TMEM239: variants seen among roughly 807,000 people sequenced by gnomAD.
TMEM239 encodes transmembrane protein 239.
Under a neutral mutation model 14.6 loss-of-function variants are expected in TMEM239, and 10 were observed. That is an observed-to-expected ratio of 0.68 (90% CI 0.42 to 1.16). The LOEUF is 1.16. TMEM239 is among the 50% of genes most tolerant of loss of function. TMEM239 has a pLI of 0.00. For synonymous variants in TMEM239, 94 were observed against 89.9 expected (o/e 1.05, Z -0.26); for missense variants, 183 against 194.4 (o/e 0.94, Z 0.35).
chr20:2,816,172 C>T, upstream of TMEM239: 1 of 632,800 alleles, frequency 1.6e-6, no homozygotes, highest in Non-Finnish European at 2.7e-6. Flanking sequence ...CATGAGAAAG[C>T]ATGAGAAACT....
Position 2,816,606 on chromosome 20 carries a change from C to T in TMEM239, c.52C>T (p.Pro18Ser), listed in dbSNP as rs767176558. ...AGATACCATCGGGGCTGGCGAGGGG[C>T]CACAGCAGGCAGTGCCCTGGTCAGC... ...ETDTIGAGEG[P>S]QQAVPWSAWV... The change falls in exon 2 of 2, where the codon CCA becomes TCA. Residue 18 changes from proline (P) to serine (S), a missense_variant. Physicochemically the swap from Pro to Ser is moderately conservative, Grantham distance 74. Coordinates refer to ENST00000380585, the MANE Select transcript of TMEM239 (RefSeq NM_001167670.3). 6.5e-7 allele frequency: 1 copy of T among 1,537,924 alleles called. No individual in the cohort carries two copies. The highest frequency in any genetic ancestry group is 8.7e-7 in the Non-Finnish European group (1 of 1,146,854).
At position 2,816,379 on chromosome 20, in the gene TMEM239, C is replaced by G; in HGVS notation, c.-48C>G. On this transcript the variant is annotated 5_prime_UTR_variant, in exon 1 of 2. Transcript: ENST00000380585. ...TCTGCCTGCCAGGCCGTCCTGGGCG[C>G]TGCAGGAAGCAACATGACTTAGGTA... The G allele has an allele frequency of 2.0e-6, 3 of 1,535,952 alleles. No individual in the cohort carries two copies. In the South Asian group the frequency reaches 3.6e-5, roughly 18 times the overall value.
intron 1 of TMEM239, 55 bp from the exon 2 acceptor site, chr20:2,816,489 C>CG: frequency 6.9e-7 from 1 of 1,454,438 alleles, no homozygotes; most frequent in Non-Finnish European, 9.0e-7. Context: ...CACCCCCTCT[C>CG]TGCCCCCCCC....
upstream of TMEM239, chr20:2,815,796 G>A: frequency 6.3e-7 from 1 of 1,587,892 alleles, no homozygotes. Context: ...CCACAACTCA[G>A]TGTCCTTCAA....
chr20:2,817,428 C>T lies in TMEM239; in HGVS notation c.*415C>T. On this transcript the variant is annotated 3_prime_UTR_variant, in exon 2 of 2. Coordinates refer to ENST00000380585, the MANE Select transcript of TMEM239 (RefSeq NM_001167670.3). ...TTCTACCTGGGTACCACTGGCCTTGCCATTCCTCCCACCAATCCCCTCTTT... is the reference window on the plus strand; with the variant it reads ...TTCTACCTGGGTACCACTGGCCTTGTCATTCCTCCCACCAATCCCCTCTTT... 3.4e-6 allele frequency: 1 copy of T among 297,684 alleles called. No individual in the cohort carries two copies. The highest frequency in any genetic ancestry group is 7.8e-5 in the South Asian group (1 of 12,782). 18.4% of individuals were successfully genotyped at this position (297,684 alleles called of 1,614,324 possible). A position where few individuals can be genotyped will look rare whatever the true frequency, so the allele number is the denominator to read the frequency against.
At chr20:2,816,274 T>C (rs2088667484), upstream of TMEM239, 5 of 1,455,474 alleles carry the variant, frequency 3.4e-6, no homozygotes, top group Non-Finnish European at 4.7e-6. Context: ...GACTCCTCTC[T>C]TGGCTGGACC....
Position 2,816,382 on chromosome 20 carries a change from C to T in TMEM239, c.-45C>T, listed in dbSNP as rs2088669258. On this transcript the variant is annotated 5_prime_UTR_variant, in exon 1 of 2. Transcript: ENST00000380585. ...GCCTGCCAGGCCGTCCTGGGCGCTG[C>T]AGGAAGCAACATGACTTAGGTAACT... The T allele has an allele frequency of 2.0e-6, 3 of 1,535,808 alleles. No homozygotes were observed. Among genetic ancestry groups the T allele is most frequent in the East Asian group, 2.4e-5 (1 of 40,888 alleles).
chr20:2,817,081 G>A lies in TMEM239; in HGVS notation c.*68G>A, dbSNP rs554614573. 3 of 1,520,230 alleles carry A rather than the reference G, an allele frequency of 2.0e-6. No homozygotes were observed. The African/African-American group carries it at 4.1e-5, about 21-fold the overall frequency. 94.2% of individuals were successfully genotyped at this position (1,520,230 alleles called of 1,614,324 possible). A position where few individuals can be genotyped will look rare whatever the true frequency, so the allele number is the denominator to read the frequency against. On this transcript the variant is annotated 3_prime_UTR_variant, in exon 2 of 2. Transcript: ENST00000380585. ...CCTAGGGCCTGAGACCCCACGGGGAGAGGGAGGGCAATGGGATCAGGGCTC... is the reference window on the plus strand; with the variant it reads ...CCTAGGGCCTGAGACCCCACGGGGAAAGGGAGGGCAATGGGATCAGGGCTC...
rs776012798 is a variant in TMEM239, at chr20:2,816,733, G to A, written c.179G>A (p.Arg60His). 48 of 1,549,800 alleles carry A rather than the reference G, an allele frequency of 3.1e-5. No individual in the cohort carries two copies. The highest frequency in any genetic ancestry group is 2.0e-4 in the Admixed American group (10 of 50,994). ...TCGAACTGGCGGCAACCGCTGCAGC[G>A]CCTGCTGTGGGGTCTGGAGGGGATA... ...STSNWRQPLQ[R>H]LLWGLEGILY... is the part of the protein sequence containing the mutation. Residue 60 changes from arginine to histidine, a missense_variant, in exon 2 of 2, where the codon CGC (arginine) becomes CAC (histidine). Transcript: ENST00000380585.
Position 2,816,775 on chromosome 20 carries a change from CA to C in TMEM239, c.222del (p.Leu75Ter). The part of the protein sequence containing the change: ...GLEGILYLLL[A>X]LMLCHALFTT... ...GAGGGGATACTCTACCTGCTGCTGG[CA>C]CTGATGTTGTGCCATGCACTCTTCA... On this transcript the variant is annotated frameshift_variant, in exon 2 of 2. Transcript: ENST00000380585. LOFTEE classifies it high-confidence loss of function. The C allele has an allele frequency of 6.4e-7, 1 of 1,551,180 alleles. No homozygotes were observed. The highest frequency in any genetic ancestry group is 8.7e-7 in the Non-Finnish European group (1 of 1,146,988).
upstream of TMEM239, chr20:2,815,788 A>G (rs1374015446): frequency 6.3e-7 from 1 of 1,596,980 alleles, no homozygotes; most frequent in East Asian, 2.2e-5. Flanking sequence ...GCCCCTCCCC[A>G]CAACTCAGTG....
downstream of TMEM239, chr20:2,819,077 G>T (rs1599937086): frequency 6.6e-6 from 1 of 152,316 alleles, no homozygotes; most frequent in African/African-American, 2.4e-5. Flanking sequence ...GAAGTCATGA[G>T]TCAAGCCAAT....
In TMEM239 at chr20:2,816,645, C is replaced by A. The variant is rs1388349827; in HGVS notation, c.91C>A (p.His31Asn). Reference sequence around the variant, plus strand: ...GCCCTGGTCAGCCTGGGTCACGAGGCATGGCTGGGTGCGCTGGTGGGTGAG... The same window carrying A: ...GCCCTGGTCAGCCTGGGTCACGAGGAATGGCTGGGTGCGCTGGTGGGTGAG... ...AVPWSAWVTR[H>N]GWVRWWVSHM... The change falls in exon 2 of 2, where the codon CAT becomes AAT. Residue 31 changes from histidine (H) to asparagine (N), a missense_variant. Physicochemically the swap from His to Asn is moderately conservative, Grantham distance 68. Transcript: ENST00000380585. 1.9e-6 allele frequency: 3 copies of A among 1,541,342 alleles called. No homozygotes were observed. Among genetic ancestry groups the A allele is most frequent in the Non-Finnish European group, 2.6e-6 (3 of 1,146,516 alleles).
In TMEM239 at chr20:2,816,792, G is replaced by T; in HGVS notation, c.238G>T (p.Ala80Ser). The T allele has an allele frequency of 6.4e-7, 1 of 1,551,126 alleles. No individual in the cohort carries two copies. Among genetic ancestry groups the T allele is most frequent in the Non-Finnish European group, 8.7e-7 (1 of 1,147,004 alleles). Reference sequence around the variant, plus strand: ...GCTGCTGGCACTGATGTTGTGCCATGCACTCTTCACCACTGGCTCCCACCT... The same window carrying T: ...GCTGCTGGCACTGATGTTGTGCCATTCACTCTTCACCACTGGCTCCCACCT... ...YLLLALMLCHALFTTGSHLLS... is the reference protein window; with the variant it reads ...YLLLALMLCHSLFTTGSHLLS... Residue 80 changes from alanine (A) to serine (S), a missense_variant, in exon 2 of 2, where the codon GCA (alanine) becomes TCA (serine). Ala to Ser is a moderately conservative substitution (Grantham distance 99). Transcript: ENST00000380585.
In TMEM239 at chr20:2,817,109, T is replaced by C; in HGVS notation, c.*96T>C. On this transcript the variant is annotated 3_prime_UTR_variant, in exon 2 of 2. Coordinates refer to ENST00000380585, the MANE Select transcript of TMEM239 (RefSeq NM_001167670.3). The stretch of plus-strand genomic sequence containing the variant: ...GGAGGGCAATGGGATCAGGGCTCCC[T>C]GCCTTGGCAGGGCCCAGACCCCTAG... The C allele has an allele frequency of 1.4e-6, 2 of 1,455,776 alleles. No homozygotes were observed. Among genetic ancestry groups the C allele is most frequent in the Non-Finnish European group, 1.8e-6 (2 of 1,097,246 alleles). The allele number at this position is 1,455,776 out of a possible 1,614,324, so 90.2% of individuals were successfully genotyped here. A position where few individuals can be genotyped will look rare whatever the true frequency, so the allele number is the denominator to read the frequency against.
upstream of TMEM239, chr20:2,815,825 T>C (rs6107195): frequency 0.029 from 43,051 of 1,477,252 alleles, 4,719 homozygotes; most frequent in African/African-American, 0.35. Flanking sequence ...TGACCACCCT[T>C]CTTCATCAGG....
At position 2,817,335 on chromosome 20, in the gene TMEM239, C is replaced by A. The variant is rs918679071; in HGVS notation, c.*322C>A. 1.4e-5 allele frequency: 7 copies of A among 502,586 alleles called. No homozygotes were observed. Among genetic ancestry groups the A allele is most frequent in the Non-Finnish European group, 2.4e-5 (7 of 285,834 alleles). The allele number at this position is 502,586 out of a possible 1,614,324, so 31.1% of individuals were successfully genotyped here. A position where few individuals can be genotyped will look rare whatever the true frequency, so the allele number is the denominator to read the frequency against. ...GGATGTGATGATACCCGTGGGGCCC[C>A]CTTGGCAACTGACAGCATCTTTTTC... On this transcript the variant is annotated 3_prime_UTR_variant, in exon 2 of 2. Transcript: ENST00000380585.
At chr20:2,816,456 C>T in intron 1 of TMEM239, 41 bp downstream of exon 1, 1 of 1,533,464 alleles carries the variant, frequency 6.5e-7, no homozygotes, top group Non-Finnish European at 8.7e-7. Flanking sequence ...ACCCCACGCA[C>T]ACTGGTGCCC....
At position 2,816,500 on chromosome 20, in the gene TMEM239, C is replaced by CCCG. The variant is rs1555793480; in HGVS notation, c.-11-42_-11-41insGCC. ...CCTGCACCCCCTCTCTGCCCCCCCC[C>CCCG]CCCAAGGTCCCAGGCATCTTCAAGA... On this transcript the variant is annotated intron_variant, in intron 1 of 1. Transcript: ENST00000380585. 11,431 of 1,526,122 alleles carry CCCG rather than the reference C, an allele frequency of 7.5e-3. 55 individuals carry two copies. The highest frequency in any genetic ancestry group is 0.022 in the South Asian group (1,803 of 82,460). 94.5% of individuals were successfully genotyped at this position (1,526,122 alleles called of 1,614,324 possible). A position where few individuals can be genotyped will look rare whatever the true frequency, so the allele number is the denominator to read the frequency against.
Sources: gnomAD v4.1 joint callset for allele counts on GRCh38, gnomAD v4.1.1 for gene constraint, MANE v1.5 for transcripts, NCBI Gene and HGNC (gene_info 2026-07-23, HGNC 2026-07-21) for gene names.